The following PLXDC2 variants were observed in gnomAD, a reference collection of about 807,000 sequenced individuals.
PLXDC2 encodes plexin domain-containing protein 2.
PLXDC2 carries 40 observed loss-of-function variants against 68.9 expected under a neutral mutation model. The observed-to-expected ratio is 0.58, with a 90% CI of 0.45 to 0.76. The LOEUF is 0.76. Ranked by LOEUF, PLXDC2 falls within the 30% of genes least tolerant of loss-of-function variation. The probability of loss-of-function intolerance (pLI) is 0.00; values close to 1 mark genes in which losing one functional copy is unlikely to be tolerated. For missense variants in PLXDC2, 644 were observed against 661.9 expected (o/e 0.97, Z 0.30); for synonymous variants, 243 against 234.2 (o/e 1.04, Z -0.34).
intron 12 of PLXDC2, among the ~76,000 whole-genome samples, chr10:20,226,507 C>G (rs1588529283): frequency 6.6e-6 from 1 of 152,194 alleles, no homozygotes; most frequent in East Asian, 1.9e-4. Context: ...TTTTACAAAA[C>G]ACTTTTGACC....
intron 12 of PLXDC2, among the ~76,000 whole-genome samples, chr10:20,223,838 A>G (rs1835250607): frequency 1.3e-5 from 2 of 152,128 alleles, no homozygotes; most frequent in African/African-American, 2.4e-5. Flanking sequence ...AATCCTTGTC[A>G]TGTGATCTTT....
At chr10:20,238,918 A>G (rs1446183623) in intron 12 of PLXDC2, among the ~76,000 whole-genome samples, 1 of 151,628 alleles carries the variant, frequency 6.6e-6, no homozygotes, top group East Asian at 1.9e-4. Context: ...ATTAGAGTAT[A>G]TTATCTTGGA....
chr10:19,905,476 A>C (rs1833142083), intron 1 of PLXDC2, among the ~76,000 whole-genome samples: 1 of 152,200 alleles, frequency 6.6e-6, no homozygotes, highest in African/African-American at 2.4e-5. Flanking sequence ...TTCTCTTGTA[A>C]GAGACCCAAA....
chr10:20,072,523 G>GAA (rs1564304785), intron 4 of PLXDC2, among the ~76,000 whole-genome samples: 2 of 102,512 alleles, frequency 2.0e-5, no homozygotes, highest in African/African-American at 1.6e-4. Flanking sequence ...AAGAAAGAAA[G>GAA]AAAGAAAGAA....
intron 9 of PLXDC2, among the ~76,000 whole-genome samples, chr10:20,201,211 G>A (rs1178109722): frequency 6.6e-6 from 1 of 152,028 alleles, no homozygotes; most frequent in Non-Finnish European, 1.5e-5. Context: ...TATAAAGAAG[G>A]AAATCCTGTC....
intron 1 of PLXDC2, among the ~76,000 whole-genome samples, chr10:19,828,834 T>C (rs552575126): frequency 2.0e-5 from 3 of 152,242 alleles, no homozygotes; most frequent in Middle Eastern, 3.4e-3. Flanking sequence ...AGTTCTATTG[T>C]TCTGTCTTCA....
chr10:20,149,170 C>G (rs889827996), intron 6 of PLXDC2, among the ~76,000 whole-genome samples: 3 of 146,022 alleles, frequency 2.1e-5, no homozygotes, highest in Non-Finnish European at 4.5e-5. Context: ...AGATTATTTT[C>G]TCGCCCAGGT....
chr10:20,085,956 ACT>A (rs1409424422), intron 4 of PLXDC2, among the ~76,000 whole-genome samples: 1 of 152,160 alleles, frequency 6.6e-6, no homozygotes, highest in Non-Finnish European at 1.5e-5. Flanking sequence ...AAAAGGAAAA[ACT>A]AAGCCACTAC....
chr10:20,105,623 C>T (rs1009155965), intron 4 of PLXDC2, among the ~76,000 whole-genome samples: 7 of 152,166 alleles, frequency 4.6e-5, no homozygotes, highest in African/African-American at 1.7e-4. Context: ...AGAGTAAACC[C>T]AAGGCTGTAG....
chr10:20,144,668 G>T (rs1834049717), intron 5 of PLXDC2, among the ~76,000 whole-genome samples: 1 of 152,152 alleles, frequency 6.6e-6, no homozygotes, highest in South Asian at 2.1e-4. Context: ...AGGCAAAACT[G>T]CAGCCAGAAA....
chr10:20,081,608 T>C (rs1399968821), intron 4 of PLXDC2, among the ~76,000 whole-genome samples: 1 of 152,094 alleles, frequency 6.6e-6, no homozygotes, highest in Non-Finnish European at 1.5e-5. Flanking sequence ...GAAAAACAAC[T>C]GGAAAATCAC....
chr10:20,009,351 C>T (rs762901743), intron 2 of PLXDC2, among the ~76,000 whole-genome samples: 4 of 152,026 alleles, frequency 2.6e-5, no homozygotes, highest in Non-Finnish European at 5.9e-5. Flanking sequence ...ATATTTATTA[C>T]GAATGTGAAA....
At chr10:20,177,450 G>C (rs908575202) in intron 9 of PLXDC2, 41 bp downstream of exon 9, 13 of 1,031,858 alleles carry the variant, frequency 1.3e-5, no homozygotes, top group Non-Finnish European at 1.7e-5. Context: ...AATTTAAAAA[G>C]ATATTTTAAA....
chr10:20,001,700 C>G, intron 1 of PLXDC2, 75 bp from the exon 2 acceptor site: 1 of 1,365,096 alleles, frequency 7.3e-7, no homozygotes, highest in East Asian at 2.4e-5. Flanking sequence ...ATTCTTTTTT[C>G]TTCTCGAGCC....
At chr10:20,137,612 A>C (rs892947093) in intron 4 of PLXDC2, among the ~76,000 whole-genome samples, 7 of 152,264 alleles carry the variant, frequency 4.6e-5, no homozygotes, top group African/African-American at 1.7e-4. Context: ...TCGCACAGAC[A>C]GAACAGGTCT....
intron 1 of PLXDC2, among the ~76,000 whole-genome samples, chr10:19,921,368 T>C (rs1464991709): frequency 6.6e-6 from 1 of 152,188 alleles, no homozygotes; most frequent in Non-Finnish European, 1.5e-5. Flanking sequence ...ATTTTGTAGA[T>C]GTTTCAGAGG....
At chr10:20,056,242 T>C (rs2131694113) in intron 3 of PLXDC2, among the ~76,000 whole-genome samples, 1 of 152,358 alleles carries the variant, frequency 6.6e-6, no homozygotes, top group East Asian at 1.9e-4. Context: ...CTTAGGTCAC[T>C]TACCAAACTA....
At chr10:19,843,789 G>A (rs2131320035) in intron 1 of PLXDC2, among the ~76,000 whole-genome samples, 1 of 152,290 alleles carries the variant, frequency 6.6e-6, no homozygotes, top group South Asian at 2.1e-4. Flanking sequence ...GGTGGTAAAG[G>A]GGGATAAAGA....
chr10:20,208,979 A>G (rs2131855154), intron 9 of PLXDC2, among the ~76,000 whole-genome samples: 1 of 152,266 alleles, frequency 6.6e-6, no homozygotes, highest in African/African-American at 2.4e-5. Context: ...CAGAGATCAC[A>G]TGCTTCAGAA....
Sources: gnomAD v4.1 joint callset for allele counts (sites outside exome capture counted in the v4.1 genomes callset) on GRCh38, gnomAD v4.1.1 for gene constraint, MANE v1.5 for transcripts, NCBI Gene and HGNC (gene_info 2026-07-23, HGNC 2026-07-21) for gene names.